The following BBS9 variants were observed in gnomAD, a reference collection of about 807,000 sequenced individuals.
The protein encoded by BBS9 is protein PTHB1.
In BBS9, 89 loss-of-function variants were observed where a neutral mutation model predicts 117.7. The ratio of observed to expected loss-of-function variants is 0.76; its 90% CI spans 0.64 to 0.90. The LOEUF is 0.90. Among genes scored for constraint, BBS9 ranks in the 40% least tolerant of loss-of-function variants. The pLI, the probability that BBS9 is intolerant of heterozygous loss-of-function variation, is 0.00. For synonymous variants in BBS9, 379 were observed against 370.9 expected, an observed-to-expected ratio of 1.02 and a Z score of -0.25; for missense variants, 982 against 1,042.2, an observed-to-expected ratio of 0.94 and a Z score of 0.80.
rs569146836 is a variant in BBS9 at position 33,406,119 on chromosome 7, C to T, written c.2115+17975C>T. Among the ~76,000 whole-genome samples the T allele has an allele frequency of 6.5e-3, 991 of 152,252 alleles. 6 individuals are homozygous for T. Among genetic ancestry groups the T allele is most frequent in the Non-Finnish European group, 0.01 (693 of 68,022 alleles). On this transcript the variant is annotated intron_variant, in intron 19 of 22. Coordinates refer to ENST00000242067, the MANE Select transcript of BBS9 (RefSeq NM_198428.3). ...TATGTACCCAGTAGTCATTCAGGAG[C>T]AGGTTGTTCAGTTTCCATGTAGTTG...
chr7:33,295,743 T>A (rs1027060957), intron 9 of BBS9, among the ~76,000 whole-genome samples: 1 of 152,038 alleles, frequency 6.6e-6, no homozygotes, highest in African/African-American at 2.4e-5. Context: ...TATTGCAATG[T>A]GATTTAATTA....
chr7:33,610,581 A>G (rs892427276), downstream of BBS9, among the ~76,000 whole-genome samples: 4 of 152,120 alleles, frequency 2.6e-5, no homozygotes, highest in Admixed American at 1.3e-4. Flanking sequence ...AGATAATGAC[A>G]TTAATCTCTT....
At chr7:33,150,423 G>A (rs1397116372) in intron 2 of BBS9, among the ~76,000 whole-genome samples, 1 of 152,148 alleles carries the variant, frequency 6.6e-6, no homozygotes, top group African/African-American at 2.4e-5. Flanking sequence ...ACCTGCAATG[G>A]GCACAGGGTC....
intron 19 of BBS9, among the ~76,000 whole-genome samples, chr7:33,505,041 A>G (rs969925750): frequency 6.6e-6 from 1 of 152,208 alleles, no homozygotes; most frequent in Admixed American, 6.5e-5. Flanking sequence ...AAAAAAGTGT[A>G]ATGAAGTTAT....
intron 20 of BBS9, among the ~76,000 whole-genome samples, chr7:33,507,672 C>T (rs987583045): frequency 6.6e-6 from 1 of 152,146 alleles, no homozygotes; most frequent in Non-Finnish European, 1.5e-5. Flanking sequence ...CAGTATTTGT[C>T]GGGTAGATGA....
At chr7:33,370,417 C>T (rs945137739) in intron 17 of BBS9, among the ~76,000 whole-genome samples, 8 of 152,156 alleles carry the variant, frequency 5.3e-5, no homozygotes, top group Admixed American at 2.6e-4. Flanking sequence ...CTGCAGTGAG[C>T]TGAGATTGCA....
chr7:33,195,456 C>T (rs1341377834), intron 5 of BBS9, among the ~76,000 whole-genome samples: 1 of 152,042 alleles, frequency 6.6e-6, no homozygotes, highest in Non-Finnish European at 1.5e-5. Context: ...GGGTGAGTAA[C>T]TTGGGCCTCC....
chr7:33,290,651 T>TA (rs1054494438), intron 9 of BBS9, among the ~76,000 whole-genome samples: 1 of 152,232 alleles, frequency 6.6e-6, no homozygotes, highest in Non-Finnish European at 1.5e-5. Flanking sequence ...AAAAATTTTT[T>TA]AGTGTGTGTA....
At chr7:33,531,640 G>T (rs569832147) in intron 20 of BBS9, among the ~76,000 whole-genome samples, 1 of 152,236 alleles carries the variant, frequency 6.6e-6, no homozygotes, top group Admixed American at 6.5e-5. Flanking sequence ...AGAGGGTACA[G>T]AATTGCTGTC....
chr7:33,303,522 T>TCC (rs758450052), intron 9 of BBS9, among the ~76,000 whole-genome samples: 10,600 of 75,010 alleles, frequency 0.14, 632 homozygotes, highest in Admixed American at 0.23. Context: ...AATGATCCCC[T>TCC]CCCCCCGCCC....
intron 9 of BBS9, among the ~76,000 whole-genome samples, chr7:33,329,432 A>G (rs1813521733): frequency 6.6e-6 from 1 of 152,216 alleles, no homozygotes; most frequent in South Asian, 2.1e-4. Flanking sequence ...CATGTTTTAT[A>G]CATATATATT....
intron 9 of BBS9, among the ~76,000 whole-genome samples, chr7:33,331,694 T>A (rs1584361890): frequency 3.6e-5 from 5 of 137,826 alleles, no homozygotes; most frequent in East Asian, 2.1e-4. Context: ...CACACACAAC[T>A]CCCCCCAAAA....
At chr7:33,180,415 C>G (rs1797932858) in intron 5 of BBS9, among the ~76,000 whole-genome samples, 1 of 148,218 alleles carries the variant, frequency 6.7e-6, no homozygotes, top group Non-Finnish European at 1.5e-5. Flanking sequence ...GGCTGGAGTG[C>G]AGCGGTGTGA....
At chr7:33,141,737 T>C (rs17169808) in intron 1 of BBS9, among the ~76,000 whole-genome samples, 12,926 of 152,154 alleles carry the variant, frequency 0.085, 590 homozygotes, top group South Asian at 0.13. Context: ...CCCAAAGAAA[T>C]TGCCTTTTAT....
intron 21 of BBS9, among the ~76,000 whole-genome samples, chr7:33,631,789 G>A (rs1479488769): frequency 6.6e-6 from 1 of 152,192 alleles, no homozygotes; most frequent in Non-Finnish European, 1.5e-5. Context: ...ACTCAACCTT[G>A]ACGTGCTCCA....
At chr7:33,261,273 A>C (rs1045248263) in intron 6 of BBS9, among the ~76,000 whole-genome samples, 3 of 152,178 alleles carry the variant, frequency 2.0e-5, no homozygotes, top group Non-Finnish European at 4.4e-5. Flanking sequence ...CACTGATAGT[A>C]AACATTTGTT....
intron 9 of BBS9, among the ~76,000 whole-genome samples, chr7:33,303,793 T>A (rs1807105818): frequency 1.3e-5 from 2 of 151,388 alleles, no homozygotes; most frequent in South Asian, 2.1e-4. Context: ...GCAGATGGAG[T>A]CTCGCTCACT....
At chr7:33,515,385 T>C (rs9791577) in intron 20 of BBS9, among the ~76,000 whole-genome samples, 146,287 of 152,280 alleles carry the variant, frequency 0.96, 70,340 homozygotes, top group Middle Eastern at 1. Flanking sequence ...CATGTAGCAT[T>C]GTCCCTCCCG....
At chr7:33,220,430 C>T (rs898249119) in intron 5 of BBS9, among the ~76,000 whole-genome samples, 5 of 152,178 alleles carry the variant, frequency 3.3e-5, no homozygotes, top group East Asian at 1.9e-4. Context: ...TATTTCCAGT[C>T]GACCCGCACC....
Sources: allele counts gnomAD v4.1 joint callset (sites outside exome capture counted in the v4.1 genomes callset), GRCh38; gene constraint gnomAD v4.1.1; transcripts MANE v1.5; gene names NCBI Gene and HGNC (gene_info 2026-07-23, HGNC 2026-07-21).